MVB12B: variants seen among roughly 807,000 people sequenced by gnomAD.
MVB12B encodes multivesicular body subunit 12B, also known as ESCRT-I complex subunit MVB12B.
Under a neutral mutation model 41.6 loss-of-function variants are expected in MVB12B, and 16 were observed. The observed-to-expected ratio is 0.38, with a 90% CI of 0.26 to 0.58. MVB12B has a LOEUF of 0.58. Ranked by LOEUF, MVB12B falls within the 20% of genes least tolerant of loss-of-function variation. The probability of loss-of-function intolerance (pLI) is 0.62; values close to 1 mark genes in which losing one functional copy is unlikely to be tolerated. For missense variants in MVB12B, 274 were observed against 380.2 expected (o/e 0.72, Z 2.32); for synonymous variants, 133 against 139.7 (o/e 0.95, Z 0.34).
chr9:126,398,949 G>A (rs1022802720), intron 6 of MVB12B, among the ~76,000 whole-genome samples: 8 of 152,194 alleles, frequency 5.3e-5, no homozygotes, highest in Admixed American at 4.6e-4. Flanking sequence ...TCTTTGCACC[G>A]TCTGTAGGCC....
At chr9:126,338,358 C>A (rs1447693373) in intron 1 of MVB12B, among the ~76,000 whole-genome samples, 2 of 152,204 alleles carry the variant, frequency 1.3e-5, no homozygotes, top group Non-Finnish European at 2.9e-5. Flanking sequence ...ATGGCTTCTT[C>A]CAGGGCATGG....
At chr9:126,461,673 A>T (rs1195386220) in intron 7 of MVB12B, among the ~76,000 whole-genome samples, 1 of 152,244 alleles carries the variant, frequency 6.6e-6, no homozygotes, top group Admixed American at 6.5e-5. Context: ...AAGTTTAAAA[A>T]AAAAGACCAC....
chr9:126,411,543 A>G (rs1468618360), intron 6 of MVB12B, among the ~76,000 whole-genome samples: 1 of 152,252 alleles, frequency 6.6e-6, no homozygotes, highest in Non-Finnish European at 1.5e-5. Flanking sequence ...AGGTCTGGGC[A>G]TAGAAGGTTT....
At chr9:126,483,856 G>A in intron 8 of MVB12B, 117 bp from the exon 9 acceptor site, 1 of 1,045,208 alleles carries the variant, frequency 9.6e-7, no homozygotes, top group South Asian at 1.4e-5. Context: ...TGGAAAGTGG[G>A]TAGAGAAACG....
At chr9:126,343,929 T>A (rs1384606162) in intron 2 of MVB12B, among the ~76,000 whole-genome samples, 2 of 151,782 alleles carry the variant, frequency 1.3e-5, no homozygotes, top group African/African-American at 4.8e-5. Flanking sequence ...AATAAATAAA[T>A]TAATTAATAA....
intron 7 of MVB12B, among the ~76,000 whole-genome samples, chr9:126,447,357 T>G (rs1832799765): frequency 6.6e-6 from 1 of 151,838 alleles, no homozygotes; most frequent in Non-Finnish European, 1.5e-5. Flanking sequence ...TAAAAGTGTT[T>G]AGGGTTATAT....
At chr9:126,405,641 G>T in intron 6 of MVB12B, among the ~76,000 whole-genome samples, 1 of 144,018 alleles carries the variant, frequency 6.9e-6, no homozygotes, top group African/African-American at 2.6e-5. Context: ...CCCCAACTAT[G>T]CTGCTCTATT....
At chr9:126,457,078 C>T (rs922884226) in intron 7 of MVB12B, among the ~76,000 whole-genome samples, 2 of 152,188 alleles carry the variant, frequency 1.3e-5, no homozygotes, top group Admixed American at 6.5e-5. Context: ...TTTCTCATTT[C>T]CACATCGCAT....
chr9:126,373,509 C>T (rs184312359), intron 2 of MVB12B, among the ~76,000 whole-genome samples: 1 of 152,338 alleles, frequency 6.6e-6, no homozygotes, highest in African/African-American at 2.4e-5. Context: ...TGCAGGATTT[C>T]CTGGCCCCTT....
intron 6 of MVB12B, among the ~76,000 whole-genome samples, chr9:126,407,776 G>GA (rs1482939928): frequency 2.0e-5 from 3 of 152,006 alleles, no homozygotes; most frequent in Non-Finnish European, 4.4e-5. Context: ...TAACTGCTAG[G>GA]AAAAAATTTC....
chr9:126,346,276 CAT>C (rs1829585116), intron 2 of MVB12B, among the ~76,000 whole-genome samples: 1 of 152,134 alleles, frequency 6.6e-6, no homozygotes, highest in South Asian at 2.1e-4. Flanking sequence ...TGACAATGGA[CAT>C]GTGAAGCAGT....
At chr9:126,344,828 G>A (rs965291793) in intron 2 of MVB12B, among the ~76,000 whole-genome samples, 3 of 152,214 alleles carry the variant, frequency 2.0e-5, no homozygotes, top group Non-Finnish European at 4.4e-5. Flanking sequence ...AAGTCGGAGG[G>A]GCAAGAGAGG....
chr9:126,340,403 A>C lies in MVB12B; in HGVS notation c.82-105A>C. 7.5e-7 allele frequency: 1 copy of C among 1,332,294 alleles called. No homozygotes were observed. The allele number at this position is 1,332,294 out of a possible 1,614,324, so 82.5% of individuals were successfully genotyped here. ...CATTCAACCAGTACAGGTATGTGAAACTCAGGGTATTTGCCCCAAGATTCT... is the reference window on the plus strand; with the variant it reads ...CATTCAACCAGTACAGGTATGTGAACCTCAGGGTATTTGCCCCAAGATTCT... On this transcript the variant is annotated intron_variant, in intron 1 of 9. Transcript: ENST00000361171. The surrounding 1 kb of genome is among the most constrained non-coding windows in gnomAD (Gnocchi z 4.0).
intron 1 of MVB12B, among the ~76,000 whole-genome samples, chr9:126,336,364 A>G (rs1160804120): frequency 6.6e-6 from 1 of 152,218 alleles, no homozygotes; most frequent in Admixed American, 6.5e-5. Flanking sequence ...TTCCGAAACA[A>G]TGTTCAGCAT....
intron 7 of MVB12B, among the ~76,000 whole-genome samples, chr9:126,447,064 C>T (rs1485636929): frequency 6.6e-5 from 10 of 150,836 alleles, no homozygotes; most frequent in Non-Finnish European, 1.0e-4. Context: ...CCTGCCTCAA[C>T]CTCCTGAGTA....
intron 4 of MVB12B, among the ~76,000 whole-genome samples, chr9:126,387,254 T>C (rs1004146778): frequency 6.6e-6 from 1 of 152,208 alleles, no homozygotes; most frequent in African/African-American, 2.4e-5. Context: ...GGTTATTAAA[T>C]GGTGCTGGAA....
rs542598549 is a variant in MVB12B, at chr9:126,410,115, C to T, written c.663-11739C>T. Among the ~76,000 whole-genome samples the T allele has an allele frequency of 1.1e-4, 17 of 151,612 alleles. No homozygotes were observed. In the South Asian group the frequency reaches 3.5e-3, roughly 32 times the overall value. On this transcript the variant is annotated intron_variant, in intron 6 of 9. Transcript: ENST00000361171. ...CTTCCAGTGGCAGCTTTTTTTTCCC[C>T]TTGTCCAATGCACAGTGATTTGGTT...
chr9:126,464,551 A>G (rs1008435427), intron 7 of MVB12B, among the ~76,000 whole-genome samples: 1 of 152,204 alleles, frequency 6.6e-6, no homozygotes, highest in Admixed American at 6.5e-5. Context: ...TTGAAAGAGA[A>G]CTCCAGTGAT....
intron 2 of MVB12B, among the ~76,000 whole-genome samples, chr9:126,352,164 G>C (rs1373736735): frequency 6.6e-6 from 1 of 152,056 alleles, no homozygotes. Flanking sequence ...AAAATGTTGT[G>C]TTTGTATTTA....
Sources: gnomAD v4.1 joint callset for allele counts (sites outside exome capture counted in the v4.1 genomes callset) on GRCh38, gnomAD v4.1.1 for gene constraint, Gnocchi (gnomAD v3.1) non-coding constraint, MANE v1.5 for transcripts, NCBI Gene and HGNC (gene_info 2026-07-23, HGNC 2026-07-21) for gene names.